SLC17A5: variants seen among roughly 807,000 people sequenced by gnomAD.
SLC17A5 encodes the protein solute carrier family 17 member 5, also known as sialin.
SLC17A5 carries 47 observed loss-of-function variants against 59.4 expected under a neutral mutation model. The ratio of observed to expected loss-of-function variants is 0.79; its 90% confidence interval spans 0.63 to 1.01. The LOEUF is 1.01. SLC17A5 is among the 50% of genes least tolerant of loss of function. The pLI is 0.00. For synonymous variants in SLC17A5, 202 were observed against 210.7 expected (o/e 0.96, Z 0.36); for missense variants, 522 against 595.5 (o/e 0.88, Z 1.28).
At chr6:73,599,928 C>A (rs1381711626) in intron 10 of SLC17A5, among the ~76,000 whole-genome samples, 1 of 152,082 alleles carries the variant, frequency 6.6e-6, no homozygotes, top group African/African-American at 2.4e-5. Context: ...TCCTGAGTAG[C>A]TGGGACTACA....
chr6:73,618,548 GA>G, intron 7 of SLC17A5: 1 of 527,518 alleles, frequency 1.9e-6, no homozygotes, highest in South Asian at 1.6e-5. Context: ...CCTACAGGAG[GA>G]AAAGCAAGGC....
In SLC17A5 at chr6:73,600,429, G is replaced by A. The variant is rs374241516; in HGVS notation, c.1272C>T (p.Ile424=). 1 of 1,613,168 alleles carries A rather than the reference G, an allele frequency of 6.2e-7. No homozygotes were observed. The highest frequency in any genetic ancestry group is 1.1e-5 in the South Asian group (1 of 91,062). The change falls in exon 10 of 11, where the codon ATC becomes ATT. Residue 424 remains isoleucine, a synonymous_variant. Coordinates refer to ENST00000355773, the MANE Select transcript of SLC17A5 (RefSeq NM_012434.5). The stretch of plus-strand genomic sequence containing the variant: ...CAAATGTATTTGTGATGCCCAGGAG[G>A]ATACCAGCATACCTGTAGAAACATT... The part of the protein sequence containing the change: ...HLDIAPSYAG[I]LLGITNTFAT...
At chr6:73,610,738 A>G (rs2150086958) in intron 8 of SLC17A5, among the ~76,000 whole-genome samples, 191 bp from the exon 9 acceptor site, 1 of 152,328 alleles carries the variant, frequency 6.6e-6, no homozygotes, top group African/African-American at 2.4e-5. Context: ...CTAATATACT[A>G]TAAAAGGAAA....
At chr6:73,625,973 T>C (rs774258164) in intron 6 of SLC17A5, among the ~76,000 whole-genome samples, 13 of 152,146 alleles carry the variant, frequency 8.5e-5, no homozygotes, top group Non-Finnish European at 1.8e-4. Context: ...GCAGAGAGGA[T>C]TTTAGAGTTT....
rs367903680 is a variant in SLC17A5, at chr6:73,644,501, T to C, written c.197A>G (p.Asp66Gly). The change falls in exon 2 of 11, where the codon GAT becomes GGT. Residue 66 changes from aspartate to glycine, a missense_variant. Asp to Gly is a moderately conservative substitution (Grantham distance 94). Around this residue, in one of 3 missense-constraint regions of SLC17A5, gnomAD observed 338 missense variants for 363.8 expected, o/e 0.93. Transcript: ENST00000355773. ...TAAAGTTGTATTTGAATCTACCATA[T>C]CCACTAACGCAACACTCAGATTCAC... ...LRVNLSVALVDMVDSNTTLED... is the reference protein window; with the variant it reads ...LRVNLSVALVGMVDSNTTLED... The C allele has an allele frequency of 3.7e-6, 6 of 1,613,772 alleles. No homozygotes were observed. In the Admixed American group the frequency reaches 8.3e-5, roughly 22 times the overall value.
intron 8 of SLC17A5, among the ~76,000 whole-genome samples, chr6:73,613,704 A>G (rs1767730309): frequency 1.3e-5 from 2 of 152,252 alleles, no homozygotes; most frequent in African/African-American, 2.4e-5. Flanking sequence ...ATTCAAAAAG[A>G]AACATATTGT....
chr6:73,638,374 T>A, intron 4 of SLC17A5, 38 bp downstream of exon 4: 1 of 1,484,510 alleles, frequency 6.7e-7, no homozygotes, highest in Non-Finnish European at 9.4e-7. Flanking sequence ...GATATATACA[T>A]AACATATTAC....
intron 10 of SLC17A5, among the ~76,000 whole-genome samples, chr6:73,597,389 C>T (rs1165369343): frequency 6.6e-6 from 1 of 152,226 alleles, no homozygotes; most frequent in Admixed American, 6.5e-5. Flanking sequence ...ATGGCGTGAA[C>T]CCGGGAGGCG....
At position 73,595,265 on chromosome 6, in the gene SLC17A5, C is replaced by T. The variant is rs767775734; in HGVS notation, c.1351-51G>A. 12 of 1,597,740 alleles carry T rather than the reference C, an allele frequency of 7.5e-6. No individual in the cohort carries two copies. In the East Asian group the frequency reaches 2.2e-4, roughly 30 times the overall value. ...GTGAAATAAAATTTTGTGTGTAGTT[C>T]ACTTCATTAAAAAGATAGTGTCACA... On this transcript the variant is annotated intron_variant, in intron 10 of 10. Transcript: ENST00000355773.
At chr6:73,620,692 C>T (rs1768097940) in intron 7 of SLC17A5, among the ~76,000 whole-genome samples, 1 of 151,786 alleles carries the variant, frequency 6.6e-6, no homozygotes, top group African/African-American at 2.4e-5. Context: ...TCCATGTAGC[C>T]AGTGCAGTTG....
intron 1 of SLC17A5, chr6:73,653,545 C>G (rs1204864184): frequency 1.1e-6 from 1 of 919,434 alleles, no homozygotes; most frequent in African/African-American, 1.8e-5. Flanking sequence ...GGGGCTGCAC[C>G]TGCCGAGGCC....
At chr6:73,612,670 G>T (rs1278455201) in intron 8 of SLC17A5, among the ~76,000 whole-genome samples, 1 of 152,090 alleles carries the variant, frequency 6.6e-6, no homozygotes, top group Admixed American at 6.6e-5. Context: ...AAACAACTAG[G>T]CTCAAGAGAT....
rs748537883 is a variant in SLC17A5, at chr6:73,595,218, T to G, written c.1351-4A>C. 1 of 1,614,028 alleles carries G rather than the reference T, an allele frequency of 6.2e-7. No individual in the cohort carries two copies. The highest frequency in any genetic ancestry group is 8.5e-7 in the Non-Finnish European group (1 of 1,179,988). Reference sequence around the variant, plus strand: ...TTTGCCATTCTCCAACAGTGTTCTATAAAGGAAGACAAAAAATGCAAGTGA... The same window carrying G: ...TTTGCCATTCTCCAACAGTGTTCTAGAAAGGAAGACAAAAAATGCAAGTGA... On this transcript the variant is annotated splice_polypyrimidine_tract_variant and splice_region_variant and intron_variant, in intron 10 of 10. Transcript: ENST00000355773.
At chr6:73,603,928 AC>A (rs1767276485) in intron 9 of SLC17A5, among the ~76,000 whole-genome samples, 2 of 137,468 alleles carry the variant, frequency 1.5e-5, no homozygotes, top group Admixed American at 6.9e-5. Flanking sequence ...AAAACAAAAA[AC>A]AAAAAAAAAA....
Position 73,621,869 on chromosome 6 carries a change from A to C in SLC17A5, c.913T>G (p.Phe305Val). 6.2e-7 allele frequency: 1 copy of C among 1,613,658 alleles called. No homozygotes were observed. The highest frequency in any genetic ancestry group is 2.2e-5 in the East Asian group (1 of 44,848). ...VVAHFSYNWT[F>V]YTLLTLLPTY... is the part of the protein sequence containing the mutation. Reference sequence around the variant, plus strand: ...GGCAATAATGTCAATAAAGTATAAAAAGTCCAGTTGTAAGAAAAGTGTGCA... The same window carrying C: ...GGCAATAATGTCAATAAAGTATAAACAGTCCAGTTGTAAGAAAAGTGTGCA... The change falls in exon 7 of 11, where the codon TTT (phenylalanine) becomes GTT (valine). Residue 305 changes from phenylalanine (F) to valine (V), a missense_variant. Physicochemically the swap from Phe to Val is conservative, Grantham distance 50. Around this residue, in one of 3 missense-constraint regions of SLC17A5, gnomAD observed 31 missense variants for 63.2 expected, o/e 0.49. Transcript: ENST00000355773.
chr6:73,619,870 A>G (rs1352176197), intron 7 of SLC17A5, among the ~76,000 whole-genome samples: 14 of 151,788 alleles, frequency 9.2e-5, no homozygotes, highest in Admixed American at 9.2e-4. Flanking sequence ...TAATCTTTAA[A>G]TATACTTTAT....
intron 6 of SLC17A5, among the ~76,000 whole-genome samples, chr6:73,629,947 G>A (rs1768616610): frequency 6.6e-6 from 1 of 151,894 alleles, no homozygotes; most frequent in African/African-American, 2.4e-5. Context: ...GTCATGAGAT[G>A]GTCCTTCTGA....
intron 10 of SLC17A5, among the ~76,000 whole-genome samples, chr6:73,598,932 TGA>T (rs1283421475): frequency 6.6e-6 from 1 of 151,702 alleles, no homozygotes; most frequent in African/African-American, 2.4e-5. Context: ...TGTGGTGAGC[TGA>T]GATTGCGCCA....
In SLC17A5 at chr6:73,610,691, GA is replaced by G. The variant is rs10707321; in HGVS notation, c.1112-145del. The G allele has an allele frequency of 0.35, 247,468 of 701,084 alleles. 42,175 individuals carry two copies. The highest frequency in any genetic ancestry group is 0.48 in the African/African-American group (26,177 of 54,302). The allele number at this position is 701,084 out of a possible 1,614,324, so 43.4% of individuals were successfully genotyped here. ...CCTGGAAGACTAACAAATTTCATGA[GA>G]AAAAAAAAATGCTGGAAAACATGGG... On this transcript the variant is annotated intron_variant, in intron 8 of 10. Coordinates refer to ENST00000355773, the MANE Select transcript of SLC17A5 (RefSeq NM_012434.5).
Sources: allele counts gnomAD v4.1 joint callset (sites outside exome capture counted in the v4.1 genomes callset), GRCh38; gene constraint gnomAD v4.1.1; regional missense constraint gnomAD v4.1.1; transcripts MANE v1.5; gene names NCBI Gene and HGNC (gene_info 2026-07-23, HGNC 2026-07-21).